The following KSR2 variants were observed in gnomAD, a reference collection of about 807,000 sequenced individuals.
The protein encoded by KSR2 is kinase suppressor of ras 2.
Under a neutral mutation model 107.8 loss-of-function variants are expected in KSR2, and 25 were observed. The observed-to-expected ratio is 0.23, with a 90% CI of 0.17 to 0.32. KSR2 has a LOEUF of 0.32. Ranked by LOEUF, KSR2 falls within the 10% of genes least tolerant of loss-of-function variation. The pLI, the probability that KSR2 is intolerant of heterozygous loss-of-function variation, is 1.00. For synonymous variants in KSR2, 480 were observed against 507.0 expected (o/e 0.95, Z 0.71); for missense variants, 887 against 1,268.9 (o/e 0.70, Z 4.57).
chr12:117,770,811 CA>C (rs71450231), intron 3 of KSR2, among the ~76,000 whole-genome samples: 214 of 137,560 alleles, frequency 1.6e-3, no homozygotes, highest in Middle Eastern at 3.8e-3. Context: ...ACCAAAAATA[CA>C]AAAAAAAAAA....
intron 9 of KSR2, among the ~76,000 whole-genome samples, chr12:117,543,996 A>G (rs898859840): frequency 6.6e-6 from 1 of 152,202 alleles, no homozygotes; most frequent in Non-Finnish European, 1.5e-5. Context: ...GCCGAAAGTC[A>G]TATTGGATTA....
Position 117,792,996 on chromosome 12 carries a change from C to T in KSR2, c.473-31472G>A, listed in dbSNP as rs553919790. 7.6e-5 allele frequency among the ~76,000 whole-genome samples: 11 copies of T among 145,426 alleles called. No individual in the cohort carries two copies. In the East Asian group the frequency reaches 2.2e-3, roughly 28 times the overall value. On this transcript the variant is annotated intron_variant, in intron 3 of 19. Coordinates refer to ENST00000339824, the MANE Select transcript of KSR2 (RefSeq NM_173598.6). Reference sequence around the variant, plus strand: ...GCACACACTCTCACACCAACATGCACGCACACACACCAACAGTACGCACTC... The same window carrying T: ...GCACACACTCTCACACCAACATGCATGCACACACACCAACAGTACGCACTC...
At chr12:117,939,271 G>C (rs1470751537) in intron 1 of KSR2, among the ~76,000 whole-genome samples, 2 of 152,206 alleles carry the variant, frequency 1.3e-5, no homozygotes, top group Non-Finnish European at 2.9e-5. Context: ...ATGTATTGAA[G>C]ATGAAATGCA....
intron 1 of KSR2, among the ~76,000 whole-genome samples, chr12:117,955,326 A>G (rs1051630119): frequency 1.3e-5 from 2 of 151,882 alleles, no homozygotes; most frequent in South Asian, 2.1e-4. Flanking sequence ...CTATCTCCCT[A>G]TGTTGCTCAG....
intron 1 of KSR2, among the ~76,000 whole-genome samples, chr12:117,887,692 T>C (rs1020516264): frequency 1.3e-5 from 2 of 152,156 alleles, no homozygotes; most frequent in Non-Finnish European, 2.9e-5. Flanking sequence ...CAGTGGCTCA[T>C]CAGCAGTATC....
chr12:117,765,740 A>G (rs1470069325), intron 3 of KSR2, among the ~76,000 whole-genome samples: 1 of 152,176 alleles, frequency 6.6e-6, no homozygotes, highest in African/African-American at 2.4e-5. Flanking sequence ...CAGAGACAAA[A>G]CAAGTGTTGG....
intron 4 of KSR2, among the ~76,000 whole-genome samples, chr12:117,700,387 G>A (rs980317979): frequency 2.2e-4 from 33 of 152,090 alleles, no homozygotes; most frequent in African/African-American, 6.3e-4. Flanking sequence ...CCTCACCTAC[G>A]CATTCCATGT....
chr12:117,877,097 G>C (rs1893878487), intron 1 of KSR2, among the ~76,000 whole-genome samples: 1 of 152,160 alleles, frequency 6.6e-6, no homozygotes, highest in Non-Finnish European at 1.5e-5. Flanking sequence ...CGATTATTGG[G>C]AGGCCAAGGC....
At chr12:117,490,268 A>G (rs1433283026) in intron 14 of KSR2, among the ~76,000 whole-genome samples, 1 of 152,164 alleles carries the variant, frequency 6.6e-6, no homozygotes, top group Non-Finnish European at 1.5e-5. Flanking sequence ...CTGAGTCCAA[A>G]TCCCGACTCC....
intron 14 of KSR2, among the ~76,000 whole-genome samples, chr12:117,499,763 CA>C (rs1235780657): frequency 6.6e-6 from 1 of 152,048 alleles, no homozygotes; most frequent in African/African-American, 2.4e-5. Context: ...GTTTACTGTT[CA>C]ATTTTTTTTT....
chr12:117,932,095 T>C (rs1895709916), intron 1 of KSR2, among the ~76,000 whole-genome samples: 1 of 152,024 alleles, frequency 6.6e-6, no homozygotes, highest in Non-Finnish European at 1.5e-5. Context: ...GAGACCAACC[T>C]GGTCAACATG....
At chr12:117,795,153 C>G (rs544100376) in intron 3 of KSR2, among the ~76,000 whole-genome samples, 1 of 152,322 alleles carries the variant, frequency 6.6e-6, no homozygotes, top group East Asian at 1.9e-4. Context: ...ATTCTTCCAG[C>G]CTCTGGAAAC....
chr12:117,807,995 G>A (rs1419643566), intron 3 of KSR2, among the ~76,000 whole-genome samples: 1 of 152,234 alleles, frequency 6.6e-6, no homozygotes, highest in Non-Finnish European at 1.5e-5. Context: ...CACTCTGCCT[G>A]TGACAGCTCC....
intron 3 of KSR2, among the ~76,000 whole-genome samples, chr12:117,763,966 G>A (rs188066680): frequency 5.0e-4 from 76 of 152,118 alleles, no homozygotes; most frequent in African/African-American, 1.6e-3. Flanking sequence ...GATTTGGGGC[G>A]CAAAGAAATT....
At position 117,457,040 on chromosome 12, in the gene KSR2, A is replaced by G. The variant is rs1270843421; in HGVS notation, c.*10159T>C. The G allele has an allele frequency of 6.6e-6, 1 of 152,246 alleles. No homozygotes were observed. The highest frequency in any genetic ancestry group is 6.5e-5 in the Admixed American group (1 of 15,286). 9.4% of individuals were successfully genotyped at this position (152,246 alleles called of 1,614,324 possible). A position where few individuals can be genotyped will look rare whatever the true frequency, so the allele number is the denominator to read the frequency against. On this transcript the variant is annotated 3_prime_UTR_variant, in exon 20 of 20. Coordinates refer to ENST00000339824, the MANE Select transcript of KSR2 (RefSeq NM_173598.6). ...ACCAAGATTGCCGGATGCAAGTCTC[A>G]AGATTTCAGCTCAGCAAGAGGATCT...
At chr12:117,782,849 G>A (rs1238144952) in intron 3 of KSR2, among the ~76,000 whole-genome samples, 2 of 152,184 alleles carry the variant, frequency 1.3e-5, no homozygotes, top group Non-Finnish European at 2.9e-5. Context: ...AAAGGCTGTA[G>A]GGTAAGAATG....
intron 3 of KSR2, 65 bp downstream of exon 3, chr12:117,855,363 C>A: frequency 6.3e-7 from 1 of 1,578,422 alleles, no homozygotes. Flanking sequence ...GCACGGGATG[C>A]CGAGGGACCG....
rs1354554587 is a variant in KSR2, at chr12:117,962,110, A to G, written c.180+5966T>C. ...CAGTGAGCTATGATGGCACCACTGT[A>G]CTCCAACCTGGGTGACAGAGCAAGA... On this transcript the variant is annotated intron_variant, in intron 1 of 19. Transcript: ENST00000339824. Among the ~76,000 whole-genome samples the G allele has an allele frequency of 4.8e-5, 7 of 146,964 alleles. No homozygotes were observed. The Admixed American group carries it at 5.0e-4, about 10-fold the overall frequency.
chr12:117,916,962 C>T lies in KSR2; in HGVS notation c.180+51114G>A, dbSNP rs138023255. Among the ~76,000 whole-genome samples the T allele has an allele frequency of 5.9e-3, 904 of 152,254 alleles. 8 individuals carry two copies. The highest frequency in any genetic ancestry group is 0.02 in the African/African-American group (842 of 41,540). ...TAAGACATTTACAGCTGGGTTTGTA[C>T]ATGGGTTTTCAACCTGGGCCCTAAT... On this transcript the variant is annotated intron_variant, in intron 1 of 19. Transcript: ENST00000339824.
Sources: allele counts gnomAD v4.1 joint callset (sites outside exome capture counted in the v4.1 genomes callset), GRCh38; gene constraint gnomAD v4.1.1; transcripts MANE v1.5; gene names NCBI Gene and HGNC (gene_info 2026-07-23, HGNC 2026-07-21).